Variants in EPB41L4A observed in about 807,000 individuals in gnomAD.
The protein encoded by EPB41L4A is band 4.1-like protein 4A.
In EPB41L4A, 100 loss-of-function variants were observed where a neutral mutation model predicts 108.6. The observed-to-expected ratio is 0.92, with a 90% CI of 0.78 to 1.09. The LOEUF (loss-of-function observed/expected upper bound fraction) is 1.09, where lower values mean the gene tolerates loss of function less well. Ranked by LOEUF, EPB41L4A falls within the 50% of genes least tolerant of loss-of-function variation. The pLI is 0.00. For synonymous variants in EPB41L4A, 319 were observed against 289.0 expected (o/e 1.10, Z -1.05); for missense variants, 1,030 against 842.7 (o/e 1.22, Z -2.75).
intron 17 of EPB41L4A, among the ~76,000 whole-genome samples, chr5:112,188,635 T>G (rs183509737): frequency 7.8e-4 from 119 of 152,274 alleles, no homozygotes; most frequent in Non-Finnish European, 1.5e-3. Context: ...TCAGAAACCC[T>G]TGCATCTGCA....
At chr5:112,204,930 A>G (rs970059200) in intron 14 of EPB41L4A, among the ~76,000 whole-genome samples, 4 of 152,220 alleles carry the variant, frequency 2.6e-5, no homozygotes, top group Admixed American at 6.5e-5. Flanking sequence ...GCCCAAATAA[A>G]GTAGCTAGGA....
intron 15 of EPB41L4A, among the ~76,000 whole-genome samples, chr5:112,201,907 C>G (rs1320651284): frequency 6.6e-6 from 1 of 152,160 alleles, no homozygotes; most frequent in East Asian, 1.9e-4. Flanking sequence ...TCTCCCTGAG[C>G]CTCAGTTTTC....
intron 4 of EPB41L4A, among the ~76,000 whole-genome samples, chr5:112,270,558 T>C (rs1313825105): frequency 1.3e-5 from 2 of 152,142 alleles, no homozygotes; most frequent in African/African-American, 4.8e-5. Flanking sequence ...AAACCAATGA[T>C]GAAAATATGG....
At position 112,386,659 on chromosome 5, in the gene EPB41L4A, T is replaced by A. The variant is rs764539666; in HGVS notation, c.99+32282A>T. Among the ~76,000 whole-genome samples the A allele has an allele frequency of 2.2e-4, 33 of 152,236 alleles. 1 individual carries two copies. Among genetic ancestry groups the A allele is most frequent in the Non-Finnish European group, 4.3e-4 (29 of 68,038 alleles). On this transcript the variant is annotated intron_variant, in intron 1 of 22. Transcript: ENST00000261486. ...AGAAGAAAGTTTTAAATGAATCGAT[T>A]GTATCAACTTTCTTTTTAATCCCAT...
At chr5:112,390,107 G>A (rs558079092) in intron 1 of EPB41L4A, among the ~76,000 whole-genome samples, 15 of 152,102 alleles carry the variant, frequency 9.9e-5, no homozygotes, top group Non-Finnish European at 1.6e-4. Flanking sequence ...AAGAGCTCTG[G>A]TCTGCAGCTC....
chr5:112,151,498 C>G (rs1297325042), intron 12 of EPB41L4A, among the ~76,000 whole-genome samples: 1 of 151,900 alleles, frequency 6.6e-6, no homozygotes, highest in Non-Finnish European at 1.5e-5. Context: ...GCCTCAACCT[C>G]CAGGGTTCAA....
intron 2 of EPB41L4A, among the ~76,000 whole-genome samples, chr5:112,307,131 T>G (rs761031438): frequency 6.6e-6 from 1 of 152,182 alleles, no homozygotes; most frequent in African/African-American, 2.4e-5. Context: ...TATGATAAGG[T>G]TGCAAATCTG....
At chr5:112,333,150 G>C (rs990927379) in intron 1 of EPB41L4A, among the ~76,000 whole-genome samples, 1 of 152,176 alleles carries the variant, frequency 6.6e-6, no homozygotes, top group African/African-American at 2.4e-5. Context: ...GGTTTAAAAT[G>C]GAGGCACCCA....
chr5:112,282,535 CA>C lies in EPB41L4A; in HGVS notation c.205-2213del, dbSNP rs200757392. ...GTGTCTTTCTTTGCTTCAAATTTCA[CA>C]AGGCTAAAATCAAGATGTCAGCCTG... On this transcript the variant is annotated intron_variant, in intron 2 of 22. Coordinates refer to ENST00000261486, the MANE Select transcript of EPB41L4A (RefSeq NM_022140.5). 7.7e-3 allele frequency among the ~76,000 whole-genome samples: 1,166 copies of C among 152,292 alleles called. 15 individuals carry two copies. Among genetic ancestry groups the C allele is most frequent in the African/African-American group, 0.027 (1,107 of 41,554 alleles).
chr5:112,280,401 GTTAT>G (rs1252796012), intron 2 of EPB41L4A, 78 bp from the exon 3 acceptor site: 2 of 1,322,948 alleles, frequency 1.5e-6, no homozygotes, highest in Admixed American at 1.7e-5. Flanking sequence ...TTTGCAAAAT[GTTAT>G]TTAAACAACA....
At chr5:112,322,702 ACACACACACACACACACACACACACT>A (rs1456326085) in intron 1 of EPB41L4A, among the ~76,000 whole-genome samples, 1 of 135,242 alleles carries the variant, frequency 7.4e-6, no homozygotes, top group Admixed American at 7.1e-5. Flanking sequence ...ACTATGAGAC[ACACACACACACACACACACACACACT>A]CACACACACA....
intron 1 of EPB41L4A, among the ~76,000 whole-genome samples, chr5:112,336,506 C>A (rs1756931736): frequency 6.6e-6 from 1 of 152,186 alleles, no homozygotes; most frequent in African/African-American, 2.4e-5. Flanking sequence ...TTACCCTGTA[C>A]ACATTATACT....
rs182623587 is a variant in EPB41L4A, at chr5:112,395,448, C to T, written c.99+23493G>A. Among the ~76,000 whole-genome samples the T allele has an allele frequency of 6.9e-3, 1,049 of 152,286 alleles. 11 individuals carry two copies. Among genetic ancestry groups the T allele is most frequent in the African/African-American group, 0.023 (947 of 41,554 alleles). ...CAAGTGGGCGAAGGATATGAACAGA[C>T]GCTTCTCAAAAGAAGACATTTATGC... On this transcript the variant is annotated intron_variant, in intron 1 of 22. Transcript: ENST00000261486.
chr5:112,183,934 A>G (rs1233538975), intron 18 of EPB41L4A, 82 bp downstream of exon 18: 6 of 1,529,402 alleles, frequency 3.9e-6, no homozygotes, highest in Non-Finnish European at 5.4e-6. Flanking sequence ...AGTTGAACTA[A>G]AACACTTTAG....
intron 1 of EPB41L4A, among the ~76,000 whole-genome samples, chr5:112,382,184 T>C (rs907953528): frequency 1.3e-5 from 2 of 152,214 alleles, no homozygotes; most frequent in African/African-American, 4.8e-5. Context: ...CTCTTTCCTT[T>C]AATCTATTTT....
At chr5:112,180,715 CA>C (rs1298688517) in intron 18 of EPB41L4A, among the ~76,000 whole-genome samples, 26 of 146,188 alleles carry the variant, frequency 1.8e-4, no homozygotes, top group Admixed American at 1.8e-3. Context: ...TGGTCTTCAT[CA>C]AAATTAAAAA....
chr5:112,250,014 T>TAC (rs147028081), intron 9 of EPB41L4A, among the ~76,000 whole-genome samples: 50,603 of 151,870 alleles, frequency 0.33, 8,731 homozygotes, highest in Non-Finnish European at 0.38. Flanking sequence ...TACATATAGA[T>TAC]ACACACACAT....
At position 112,406,654 on chromosome 5, in the gene EPB41L4A, G is replaced by A. The variant is rs1005617179; in HGVS notation, c.99+12287C>T. On this transcript the variant is annotated intron_variant, in intron 1 of 22. Coordinates refer to ENST00000261486, the MANE Select transcript of EPB41L4A (RefSeq NM_022140.5). ...CTGGGGGTGGGGAGAAGGGAAGGGC[G>A]CAGTTAGGAGTATGGGAGGTGATGG... Among the ~76,000 whole-genome samples, 4 of 151,992 alleles carry A rather than the reference G, an allele frequency of 2.6e-5. No homozygotes were observed. In the East Asian group the frequency reaches 5.8e-4, roughly 22 times the overall value.
chr5:112,199,832 T>C (rs1024346704), intron 15 of EPB41L4A, among the ~76,000 whole-genome samples: 2 of 152,152 alleles, frequency 1.3e-5, no homozygotes, highest in Middle Eastern at 3.2e-3. Context: ...ACTGAAACCA[T>C]CTACTTCTTT....
Sources: gnomAD v4.1 joint callset for allele counts (sites outside exome capture counted in the v4.1 genomes callset) on GRCh38, gnomAD v4.1.1 for gene constraint, MANE v1.5 for transcripts, NCBI Gene and HGNC (gene_info 2026-07-23, HGNC 2026-07-21) for gene names.